Variants in LRRK1 observed in about 807,000 individuals in gnomAD.
LRRK1 encodes the protein leucine rich repeat kinase 1, also known as leucine-rich repeat serine/threonine-protein kinase 1.
A neutral mutation model predicts 209.1 loss-of-function variants in LRRK1; 113 were observed. The ratio of observed to expected loss-of-function variants is 0.54; its 90% CI spans 0.46 to 0.63. The LOEUF is 0.63. LRRK1 is among the 30% of genes least tolerant of loss of function. The pLI is 0.00. For missense variants in LRRK1, 2,284 were observed against 2,632.2 expected, an observed-to-expected ratio of 0.87 and a Z score of 2.89; for synonymous variants, 1,144 against 1,099.7, an observed-to-expected ratio of 1.04 and a Z score of -0.80.
Position 101,022,805 on chromosome 15 carries a change from TCTTTA to T in LRRK1, c.2067+213_2067+217del, listed in dbSNP as rs1463611799. Among the ~76,000 whole-genome samples, 2 of 150,308 alleles carry T rather than the reference TCTTTA, an allele frequency of 1.3e-5. No homozygotes were observed. Among genetic ancestry groups the T allele is most frequent in the East Asian group, 1.9e-4 (1 of 5,198 alleles). ...ATGTGACTTTGTGATGTTTTCTTTT[TCTTTA>T]CTTTTCTTTTTTTTTTTTCTTGAGA... On this transcript the variant is annotated intron_variant, in intron 15 of 33. Transcript: ENST00000388948. The surrounding 1 kb of genome is among the most constrained non-coding windows in gnomAD (Gnocchi z 4.0).
At chr15:101,003,970 G>T (rs140184410) in intron 6 of LRRK1, among the ~76,000 whole-genome samples, 53 of 152,248 alleles carry the variant, frequency 3.5e-4, no homozygotes, top group Non-Finnish European at 1.0e-4. Flanking sequence ...CCAACAGCAC[G>T]GCTACACCCT....
intron 12 of LRRK1, among the ~76,000 whole-genome samples, chr15:101,017,445 C>T (rs1355943777): frequency 6.6e-6 from 1 of 152,166 alleles, no homozygotes; most frequent in Non-Finnish European, 1.5e-5. Flanking sequence ...CGGGAGTCCC[C>T]AGCGCCCCCC....
intron 6 of LRRK1, among the ~76,000 whole-genome samples, chr15:101,007,438 T>C (rs1251443940): frequency 2.6e-5 from 4 of 152,232 alleles, no homozygotes; most frequent in Non-Finnish European, 4.4e-5. Context: ...CCAGGTCCCT[T>C]TGACCACCCC....
In LRRK1 at chr15:100,998,006, C is replaced by T. The variant is rs78211723; in HGVS notation, c.762+8608C>T. Among the ~76,000 whole-genome samples, 1,504 of 151,998 alleles carry T rather than the reference C, an allele frequency of 9.9e-3. 27 individuals are homozygous for T. The highest frequency in any genetic ancestry group is 0.034 in the African/African-American group (1,429 of 41,468). ...CCAGCCTGGCCAACATGGTGAAACC[C>T]CCCCGTCTCTACTAAAAATACAAAC... On this transcript the variant is annotated intron_variant, in intron 6 of 33. Coordinates refer to ENST00000388948, the MANE Select transcript of LRRK1 (RefSeq NM_024652.6).
At position 100,982,088 on chromosome 15, in the gene LRRK1, G is replaced by C. The variant is rs531690638; in HGVS notation, c.262-1440G>C. On this transcript the variant is annotated intron_variant, in intron 3 of 33. Transcript: ENST00000388948. ...CCATCCCTGGCATCCTGAGTGCCCA[G>C]TCCCACTCTCACACACAGTAGATCC... 2.3e-4 allele frequency among the ~76,000 whole-genome samples: 35 copies of C among 151,892 alleles called. No individual in the cohort carries two copies. In the South Asian group the frequency reaches 6.7e-3, roughly 29 times the overall value.
At chr15:100,981,499 G>A (rs113583402) in intron 3 of LRRK1, among the ~76,000 whole-genome samples, 1,748 of 152,120 alleles carry the variant, frequency 0.011, 32 homozygotes, top group African/African-American at 0.04. Flanking sequence ...CTCTCCTCAC[G>A]TGTCAGACAT....
At chr15:101,062,347 A>C in intron 30 of LRRK1, 1 of 446,988 alleles carries the variant, frequency 2.2e-6, no homozygotes, top group East Asian at 3.9e-5. Context: ...TCTCTGGGGA[A>C]TAGATGACGG....
chr15:101,024,747 G>T lies in LRRK1; in HGVS notation c.2068-56G>T. ...AGTTATCCGTTGTCTCCGTTTGATT[G>T]ACTGAAGCCTTTGTCTCTAAAATGC... On this transcript the variant is annotated intron_variant, in intron 15 of 33. Transcript: ENST00000388948. This position sits in a 1 kb window ranked among gnomAD's most constrained non-coding sequence, Gnocchi z 4.6. The T allele has an allele frequency of 2.5e-6, 4 of 1,569,806 alleles. No individual in the cohort carries two copies. The South Asian group carries it at 3.4e-5, about 13-fold the overall frequency.
At chr15:100,990,800 CT>C (rs1033303923) in intron 6 of LRRK1, among the ~76,000 whole-genome samples, 1 of 132,644 alleles carries the variant, frequency 7.5e-6, no homozygotes, top group South Asian at 2.4e-4. Context: ...CATTATTTTT[CT>C]TTTTTTGTTA....
At chr15:100,996,699 G>A (rs1017330884) in intron 6 of LRRK1, among the ~76,000 whole-genome samples, 6 of 152,222 alleles carry the variant, frequency 3.9e-5, no homozygotes, top group Non-Finnish European at 5.9e-5. Context: ...CCAGGGTCAC[G>A]TGGCAGAATA....
In LRRK1 at chr15:101,076,127, G is replaced by A. The variant is rs193045325; in HGVS notation, c.*7279G>A. On this transcript the variant is annotated 3_prime_UTR_variant, in exon 34 of 34. Transcript: ENST00000388948. Reference sequence around the variant, plus strand: ...TACACAAGAGCCAGGACCGCACCCTGTAGACCTTCTGTCCAAACAACTTGA... The same window carrying A: ...TACACAAGAGCCAGGACCGCACCCTATAGACCTTCTGTCCAAACAACTTGA... 665 of 152,292 alleles carry A rather than the reference G, an allele frequency of 4.4e-3. 2 individuals are homozygous for A. The highest frequency in any genetic ancestry group is 7.8e-3 in the Non-Finnish European group (534 of 68,042). 9.4% of individuals were successfully genotyped at this position (152,292 alleles called of 1,614,324 possible). A position where few individuals can be genotyped will look rare whatever the true frequency, so the allele number is the denominator to read the frequency against.
Position 100,941,468 on chromosome 15 carries a change from G to GTGTGTCTGTGTGTGTCTATGTC in LRRK1, c.97+16744_97+16745insCTGTGTGTGTCTATGTCTGTGT, listed in dbSNP as rs1476770415. On this transcript the variant is annotated intron_variant, in intron 2 of 33. Coordinates refer to ENST00000388948, the MANE Select transcript of LRRK1 (RefSeq NM_024652.6). ...TGTCTGTGTGTGTCTATGTCTCTGT[G>GTGTGTCTGTGTGTGTCTATGTC]TGTGTGTGTGTGTGTGTGTGTGTGT... Among the ~76,000 whole-genome samples, 308 of 62,638 alleles carry GTGTGTCTGTGTGTGTCTATGTC rather than the reference G, an allele frequency of 4.9e-3. 9 individuals carry two copies. Among genetic ancestry groups the GTGTGTCTGTGTGTGTCTATGTC allele is most frequent in the African/African-American group, 0.014 (286 of 20,740 alleles). 41.1% of individuals were successfully genotyped at this position (62,638 alleles called of 152,430 possible). A position where few individuals can be genotyped will look rare whatever the true frequency, so the allele number is the denominator to read the frequency against.
chr15:100,959,499 A>G (rs2042831061), intron 2 of LRRK1, among the ~76,000 whole-genome samples: 1 of 152,158 alleles, frequency 6.6e-6, no homozygotes, highest in African/African-American at 2.4e-5. Context: ...GAATTTCGAG[A>G]AGCATGGAAA....
At chr15:101,041,307 C>T (rs1461704299) in intron 20 of LRRK1, among the ~76,000 whole-genome samples, 2 of 152,138 alleles carry the variant, frequency 1.3e-5, no homozygotes, top group East Asian at 1.9e-4. Flanking sequence ...GCACATTATC[C>T]AATCTGATAA....
intron 2 of LRRK1, among the ~76,000 whole-genome samples, chr15:100,943,261 T>C (rs773909962): frequency 2.0e-4 from 31 of 152,252 alleles, no homozygotes; most frequent in Non-Finnish European, 7.3e-5. Context: ...TAATAAAAAT[T>C]AATTCAGTGA....
chr15:101,013,225 G>T (rs1276689151), intron 10 of LRRK1, among the ~76,000 whole-genome samples: 1 of 152,216 alleles, frequency 6.6e-6, no homozygotes, highest in Non-Finnish European at 1.5e-5. Context: ...ATTTCAGCAG[G>T]AGGGGGCTGG....
chr15:100,976,873 C>G (rs1158679714), intron 3 of LRRK1, among the ~76,000 whole-genome samples: 1 of 152,168 alleles, frequency 6.6e-6, no homozygotes, highest in Non-Finnish European at 1.5e-5. Flanking sequence ...AAGATAATCT[C>G]TAGCAGCTGT....
chr15:100,990,274 T>C (rs1456072861), intron 6 of LRRK1, among the ~76,000 whole-genome samples: 1 of 152,232 alleles, frequency 6.6e-6, no homozygotes, highest in Non-Finnish European at 1.5e-5. Flanking sequence ...GTTCTTTAAA[T>C]ACATAGAGCC....
intron 2 of LRRK1, among the ~76,000 whole-genome samples, chr15:100,941,463 T>C (rs1455868126): frequency 3.9e-3 from 41 of 10,436 alleles, no homozygotes; most frequent in Admixed American, 5.2e-3. Flanking sequence ...TGTCTATGTC[T>C]CTGTGTGTGT....
Sources: allele counts gnomAD v4.1 joint callset (sites outside exome capture counted in the v4.1 genomes callset), GRCh38; gene constraint gnomAD v4.1.1; non-coding constraint Gnocchi (gnomAD v3.1); transcripts MANE v1.5; gene names NCBI Gene and HGNC (gene_info 2026-07-23, HGNC 2026-07-21).